The following SV2C variants were observed in gnomAD, a reference collection of about 807,000 sequenced individuals.
SV2C encodes solute carrier family 22 member B3.
In SV2C, 49 loss-of-function variants were observed where a neutral mutation model predicts 79.7. The ratio of observed to expected loss-of-function variants is 0.61; its 90% CI spans 0.49 to 0.78. SV2C has a LOEUF of 0.78. Among genes scored for constraint, SV2C ranks in the 30% least tolerant of loss-of-function variants. SV2C has a pLI of 0.00. For synonymous variants in SV2C, 334 were observed against 333.2 expected, an observed-to-expected ratio of 1.00 and a Z score of -0.03; for missense variants, 833 against 912.9, an observed-to-expected ratio of 0.91 and a Z score of 1.13.
At chr5:76,224,204 G>C (rs144668310) in intron 4 of SV2C, among the ~76,000 whole-genome samples, 3 of 152,114 alleles carry the variant, frequency 2.0e-5, no homozygotes, top group Non-Finnish European at 4.4e-5. Context: ...TTTTCCTGCT[G>C]TTTTATTGTT....
chr5:76,195,650 C>T (rs1046068284), intron 3 of SV2C, among the ~76,000 whole-genome samples: 8 of 151,864 alleles, frequency 5.3e-5, no homozygotes, highest in Non-Finnish European at 8.8e-5. Flanking sequence ...AGAGTGTAGC[C>T]GATGTTCATT....
the SV2C span, among the ~76,000 whole-genome samples, chr5:75,892,482 A>T: frequency 6.6e-6 from 1 of 151,894 alleles, no homozygotes; most frequent in East Asian, 1.9e-4. Context: ...GGTTTGTTAC[A>T]TGGGTATATT....
At chr5:75,918,312 T>C in the SV2C span, among the ~76,000 whole-genome samples, 2 of 152,328 alleles carry the variant, frequency 1.3e-5, no homozygotes, top group Non-Finnish European at 2.9e-5. Context: ...TTCTTTTTGG[T>C]GTGTCCAAAA....
the SV2C span, among the ~76,000 whole-genome samples, chr5:75,907,204 T>C: frequency 6.6e-6 from 1 of 152,110 alleles, no homozygotes; most frequent in African/African-American, 2.4e-5. Flanking sequence ...GAAGAACACT[T>C]GGGAGAAAAT....
At chr5:76,217,368 CAGAT>C (rs1744933570) in intron 4 of SV2C, among the ~76,000 whole-genome samples, 1 of 152,164 alleles carries the variant, frequency 6.6e-6, no homozygotes, top group South Asian at 2.1e-4. Context: ...CTCAACCAGA[CAGAT>C]ATTCAACAAG....
At chr5:76,247,105 T>C (rs1297321345) in intron 4 of SV2C, among the ~76,000 whole-genome samples, 2 of 152,178 alleles carry the variant, frequency 1.3e-5, no homozygotes, top group Non-Finnish European at 2.9e-5. Context: ...AAACTCAAAA[T>C]CTTTTAGCCC....
chr5:75,997,003 C>T, the SV2C span, among the ~76,000 whole-genome samples: 2 of 148,650 alleles, frequency 1.3e-5, no homozygotes, highest in Non-Finnish European at 3.0e-5. Flanking sequence ...CTGTCCTGGC[C>T]AGAACTTCCA....
At chr5:76,114,258 A>G (rs1748189198) in intron 1 of SV2C, among the ~76,000 whole-genome samples, 1 of 152,166 alleles carries the variant, frequency 6.6e-6, no homozygotes, top group Admixed American at 6.5e-5. Context: ...CCCCATCACC[A>G]TGGGAATAAT....
chr5:76,258,865 A>C (rs1378860522), intron 4 of SV2C, among the ~76,000 whole-genome samples: 2 of 152,182 alleles, frequency 1.3e-5, no homozygotes, highest in African/African-American at 4.8e-5. Flanking sequence ...TTGTCACTGA[A>C]GATTAGTTCT....
At position 76,159,278 on chromosome 5, in the gene SV2C, G is replaced by A. The variant is rs144658359; in HGVS notation, c.580+26948G>A. Among the ~76,000 whole-genome samples the A allele has an allele frequency of 3.4e-4, 52 of 152,108 alleles. No individual in the cohort carries two copies. In the East Asian group the frequency reaches 4.8e-3, roughly 14 times the overall value. On this transcript the variant is annotated intron_variant, in intron 2 of 12. Coordinates refer to ENST00000502798, the MANE Select transcript of SV2C (RefSeq NM_014979.4). ...CAACATTGTACTGGAGTGTCTAGCT[G>A]GGGCAATTAAGTGAGAAAAATAAAT...
At chr5:76,352,264 A>G (rs904341735) in intron 12 of SV2C, among the ~76,000 whole-genome samples, 19 of 152,002 alleles carry the variant, frequency 1.2e-4, no homozygotes, top group African/African-American at 4.3e-4. Flanking sequence ...CAACAAGAGA[A>G]AAAAAAAGTA....
chr5:75,858,231 G>C, the SV2C span, among the ~76,000 whole-genome samples: 5 of 152,192 alleles, frequency 3.3e-5, no homozygotes, highest in Non-Finnish European at 5.9e-5. Context: ...CGTGATGCTA[G>C]GTGTGGGTCT....
intron 3 of SV2C, among the ~76,000 whole-genome samples, chr5:76,205,883 T>A (rs1181829122): frequency 6.6e-6 from 1 of 152,166 alleles, no homozygotes; most frequent in Non-Finnish European, 1.5e-5. Flanking sequence ...ACCCTCTAGA[T>A]GTCAGCAGCA....
At chr5:76,020,384 G>C in the SV2C span, among the ~76,000 whole-genome samples, 1 of 152,296 alleles carries the variant, frequency 6.6e-6, no homozygotes, top group African/African-American at 2.4e-5. Flanking sequence ...CACTTTTCTG[G>C]ATGAGAGTTC....
chr5:76,057,729 T>G, the SV2C span, among the ~76,000 whole-genome samples: 3 of 152,072 alleles, frequency 2.0e-5, no homozygotes, highest in South Asian at 6.2e-4. Context: ...TTACATAGTA[T>G]GCAAAAACAC....
At chr5:75,972,173 A>T in the SV2C span, among the ~76,000 whole-genome samples, 2 of 152,286 alleles carry the variant, frequency 1.3e-5, no homozygotes, top group East Asian at 3.9e-4. Flanking sequence ...ACATAAATTA[A>T]TTCAAGATGG....
the SV2C span, among the ~76,000 whole-genome samples, chr5:76,000,090 T>A: frequency 6.6e-6 from 1 of 152,132 alleles, no homozygotes. Context: ...ACCCATATAG[T>A]GGAAGGCCAT....
At chr5:75,881,645 T>C in the SV2C span, among the ~76,000 whole-genome samples, 3 of 152,122 alleles carry the variant, frequency 2.0e-5, no homozygotes, top group Non-Finnish European at 2.9e-5. Context: ...GTACGTTGAT[T>C]TTGTATCCTG....
chr5:76,048,376 A>G, the SV2C span, among the ~76,000 whole-genome samples: 7 of 152,188 alleles, frequency 4.6e-5, no homozygotes, highest in Admixed American at 1.3e-4. Context: ...TTTCTGTTGT[A>G]TTCAGGCCCT....
Sources: allele counts gnomAD v4.1 joint callset (sites outside exome capture counted in the v4.1 genomes callset), GRCh38; gene constraint gnomAD v4.1.1; transcripts MANE v1.5; gene names NCBI Gene and HGNC (gene_info 2026-07-23, HGNC 2026-07-21).